Variants in PARD3B observed in about 807,000 individuals in gnomAD.
The protein encoded by PARD3B is partitioning defective 3 homolog B.
In PARD3B, 103 loss-of-function variants were observed where a neutral mutation model predicts 130.2. The ratio of observed to expected loss-of-function variants is 0.79; its 90% confidence interval spans 0.67 to 0.93. The LOEUF (loss-of-function observed/expected upper bound fraction) is 0.93. Ranked by LOEUF, PARD3B falls within the 40% of genes least tolerant of loss-of-function variation. PARD3B has a pLI of 0.00. For missense variants in PARD3B, 1,609 were observed against 1,499.2 expected, an observed-to-expected ratio of 1.07 and a Z score of -1.21; for synonymous variants, 583 against 553.2, an observed-to-expected ratio of 1.05 and a Z score of -0.76.
intron 2 of PARD3B, among the ~76,000 whole-genome samples, chr2:204,737,800 G>A (rs147465169): frequency 3.3e-5 from 5 of 151,990 alleles, no homozygotes; most frequent in East Asian, 3.9e-4. Context: ...GTGGTTTGCC[G>A]GTTTTCCCAT....
rs71410826 is a variant in PARD3B, at chr2:205,591,195, C to CA, written c.3261-24255dup. On this transcript the variant is annotated intron_variant, in intron 22 of 22. Coordinates refer to ENST00000406610, the MANE Select transcript of PARD3B (RefSeq NM_001302769.2). The surrounding 1 kb of genome is among the most constrained non-coding windows in gnomAD (Gnocchi z 4.2). Reference sequence around the variant, plus strand: ...CATCTAGAATATAACTAGGACAAGACAAAAAACTGTTTAGAGAGAGTGTAC... The same window carrying CA: ...CATCTAGAATATAACTAGGACAAGACAAAAAAACTGTTTAGAGAGAGTGTAC... Among the ~76,000 whole-genome samples, 99,699 of 151,946 alleles carry CA rather than the reference C, an allele frequency of 0.66. 32,918 individuals carry two copies. The highest frequency in any genetic ancestry group is 0.85 in the East Asian group (4,368 of 5,138).
chr2:205,223,339 G>A (rs1287909986), intron 15 of PARD3B, among the ~76,000 whole-genome samples: 1 of 152,210 alleles, frequency 6.6e-6, no homozygotes, highest in East Asian at 1.9e-4. Context: ...TAGCATGGAT[G>A]AATGTTGATG....
chr2:205,247,688 T>G (rs1041103835), intron 16 of PARD3B, among the ~76,000 whole-genome samples: 1 of 152,192 alleles, frequency 6.6e-6, no homozygotes, highest in African/African-American at 2.4e-5. Context: ...ATTGGGCATC[T>G]GTAGAAATGC....
intron 21 of PARD3B, among the ~76,000 whole-genome samples, chr2:205,512,083 G>A (rs2050608871): frequency 6.6e-6 from 1 of 152,102 alleles, no homozygotes; most frequent in South Asian, 2.1e-4. Context: ...AAATGAGAAT[G>A]ATCACTACGG....
intron 2 of PARD3B, among the ~76,000 whole-genome samples, chr2:204,779,419 G>T (rs1224528086): frequency 6.6e-6 from 1 of 152,150 alleles, no homozygotes. Flanking sequence ...AGAATATTTA[G>T]TGAGCTGTCT....
At chr2:205,218,893 A>G (rs1396547611) in intron 15 of PARD3B, among the ~76,000 whole-genome samples, 4 of 152,168 alleles carry the variant, frequency 2.6e-5, no homozygotes, top group Non-Finnish European at 5.9e-5. Flanking sequence ...CAGCCTGCCC[A>G]ACATGGTGAA....
In PARD3B at chr2:205,568,107, G is replaced by A. The variant is rs56324816; in HGVS notation, c.3260+14704G>A. Among the ~76,000 whole-genome samples the A allele has an allele frequency of 0.029, 4,385 of 152,312 alleles. 226 individuals carry two copies. The highest frequency in any genetic ancestry group is 0.1 in the African/African-American group (4,209 of 41,562). On this transcript the variant is annotated intron_variant, in intron 22 of 22. Coordinates refer to ENST00000406610, the MANE Select transcript of PARD3B (RefSeq NM_001302769.2). The surrounding 1 kb of genome is among the most constrained non-coding windows in gnomAD (Gnocchi z 5.3). ...CAGGCAGCACAGATGCTTGGATAAG[G>A]ACCGTAGTGGACAGAAGTGCTGCAG...
chr2:205,490,262 A>C (rs1258227862), intron 20 of PARD3B, among the ~76,000 whole-genome samples: 84 of 131,856 alleles, frequency 6.4e-4, no homozygotes, highest in African/African-American at 1.1e-3. Flanking sequence ...ATCCCTCCCC[A>C]CTCCCCCCAC....
At position 205,352,296 on chromosome 2, in the gene PARD3B, T is replaced by C. The variant is rs1299777284; in HGVS notation, c.2631-48717T>C. Among the ~76,000 whole-genome samples the C allele has an allele frequency of 6.6e-6, 1 of 152,208 alleles. No individual in the cohort carries two copies. Among genetic ancestry groups the C allele is most frequent in the East Asian group, 1.9e-4 (1 of 5,188 alleles). The stretch of plus-strand genomic sequence containing the variant: ...AGCTTTTCTTTTCACTGTACAGTTA[T>C]GGATTATCTTTGCTGGCTGGATATT... On this transcript the variant is annotated intron_variant, in intron 18 of 22. Transcript: ENST00000406610. This position sits in a 1 kb window ranked among gnomAD's most constrained non-coding sequence, Gnocchi z 5.2.
intron 2 of PARD3B, among the ~76,000 whole-genome samples, chr2:204,719,889 T>C (rs2038915488): frequency 6.6e-6 from 1 of 152,196 alleles, no homozygotes; most frequent in African/African-American, 2.4e-5. Flanking sequence ...TTAAATACTA[T>C]TCTATAGTTG....
intron 3 of PARD3B, among the ~76,000 whole-genome samples, chr2:205,023,415 C>G (rs1696770008): frequency 7.0e-6 from 1 of 143,732 alleles, no homozygotes; most frequent in African/African-American, 2.6e-5. Context: ...TCTGGTAACT[C>G]TGGTCTCTGG....
intron 1 of PARD3B, among the ~76,000 whole-genome samples, chr2:204,572,783 C>T (rs1395139446): frequency 3.3e-5 from 5 of 152,042 alleles, no homozygotes; most frequent in African/African-American, 9.7e-5. Flanking sequence ...GGCTGGCAAA[C>T]GTGTCAGAAA....
chr2:205,044,266 A>G (rs1221085406), intron 3 of PARD3B, among the ~76,000 whole-genome samples: 1 of 147,762 alleles, frequency 6.8e-6, no homozygotes, highest in Non-Finnish European at 1.5e-5. Context: ...CAATAAACAT[A>G]CGTGTGCATG....
chr2:205,322,432 C>G (rs1200593621), intron 18 of PARD3B, among the ~76,000 whole-genome samples: 3 of 152,144 alleles, frequency 2.0e-5, no homozygotes, highest in African/African-American at 7.2e-5. Flanking sequence ...TGTTGGGATG[C>G]ATATCTGTTG....
intron 15 of PARD3B, among the ~76,000 whole-genome samples, chr2:205,238,695 G>C (rs2039178793): frequency 6.6e-6 from 1 of 150,386 alleles, no homozygotes; most frequent in Non-Finnish European, 1.5e-5. Context: ...AGCTGGGCCT[G>C]GTGGCAGGCG....
intron 1 of PARD3B, among the ~76,000 whole-genome samples, chr2:204,579,643 A>AT (rs2032446546): frequency 6.6e-6 from 1 of 152,274 alleles, no homozygotes; most frequent in South Asian, 2.1e-4. Context: ...AATGGTAATT[A>AT]TGCCACAAAG....
intron 3 of PARD3B, among the ~76,000 whole-genome samples, chr2:205,004,957 T>C (rs1291542172): frequency 6.6e-6 from 1 of 152,190 alleles, no homozygotes; most frequent in Non-Finnish European, 1.5e-5. Context: ...TGTTGAGAAT[T>C]AGTAGGAGAG....
chr2:204,840,176 A>C (rs562488706), intron 2 of PARD3B, among the ~76,000 whole-genome samples: 1 of 152,348 alleles, frequency 6.6e-6, no homozygotes, highest in Non-Finnish European at 1.5e-5. Context: ...ATCATATAAA[A>C]ATATAGCTGA....
intron 1 of PARD3B, among the ~76,000 whole-genome samples, chr2:204,655,014 C>T (rs778098599): frequency 7.2e-5 from 11 of 152,054 alleles, no homozygotes; most frequent in Non-Finnish European, 1.2e-4. Context: ...ACTTGTCTCC[C>T]CCAGAAATAC....
Sources: allele counts gnomAD v4.1 joint callset (sites outside exome capture counted in the v4.1 genomes callset), GRCh38; gene constraint gnomAD v4.1.1; non-coding constraint Gnocchi (gnomAD v3.1); transcripts MANE v1.5; gene names NCBI Gene and HGNC (gene_info 2026-07-23, HGNC 2026-07-21).